Variants in MAMLD1 observed in about 807,000 individuals in gnomAD.
MAMLD1 encodes the protein mastermind-like domain-containing protein 1.
Under a neutral mutation model 45.0 loss-of-function variants are expected in MAMLD1, and 14 were observed. The ratio of observed to expected loss-of-function variants is 0.31; its 90% CI spans 0.21 to 0.49. The LOEUF is 0.49. MAMLD1 is among the 20% of genes least tolerant of loss of function. The probability of loss-of-function intolerance (pLI) is 0.99; values close to 1 mark genes in which losing one functional copy is unlikely to be tolerated. For synonymous variants in MAMLD1, 254 were observed against 247.8 expected, an observed-to-expected ratio of 1.02 and a Z score of -0.24; for missense variants, 543 against 603.6, an observed-to-expected ratio of 0.90 and a Z score of 1.05.
At chrX:150,496,599 C>T (rs144932378) in intron 5 of MAMLD1, among the ~76,000 whole-genome samples, 164 of 112,159 alleles carry the variant, frequency 1.5e-3, no homozygotes, top group African/African-American at 4.9e-3. Flanking sequence ...GTCAGGGCAA[C>T]GATTGCCACA....
chrX:150,412,319 C>T (rs1260501409), intron 1 of MAMLD1, among the ~76,000 whole-genome samples: 2 of 110,821 alleles, frequency 1.8e-5, no homozygotes, highest in Non-Finnish European at 1.9e-5. Flanking sequence ...TTGCATTGTA[C>T]CCCCACCCCT....
intron 1 of MAMLD1, among the ~76,000 whole-genome samples, chrX:150,398,311 GAAGAAGAAGAAGAA>G (rs2033560292): frequency 2.0e-5 from 2 of 99,529 alleles, no homozygotes; most frequent in Admixed American, 1.1e-4. Context: ...AGAAGAAGAA[GAAGAAGAAGAAGAA>G]GAAGAAGAAG....
intron 2 of MAMLD1, 33 bp from the exon 3 acceptor site, chrX:150,462,739 A>G: frequency 9.7e-7 from 1 of 1,035,574 alleles, no homozygotes; most frequent in Admixed American, 2.2e-5. Context: ...GAGTGTGTGC[A>G]AGTGGCTCTC....
Position 150,512,792 on chromosome X carries a change from C to A in MAMLD1, c.*833C>A. The A allele has an allele frequency of 8.7e-7, 1 of 1,155,867 alleles. No individual in the cohort carries two copies. The highest frequency in any genetic ancestry group is 1.1e-6 in the Non-Finnish European group (1 of 872,772). ...TGCTGCTTCTGCCGTTGCTGCCAGC[C>A]AGTTCCCAGGTCCGTTCGACAGAAC... On this transcript the variant is annotated 3_prime_UTR_variant, in exon 8 of 8. Transcript: ENST00000370401.
intron 2 of MAMLD1, among the ~76,000 whole-genome samples, chrX:150,448,130 G>C (rs1184159555): frequency 2.7e-5 from 3 of 111,991 alleles, no homozygotes; most frequent in African/African-American, 9.7e-5. Context: ...TAAGACTAGG[G>C]CTCAGAACAC....
chrX:150,443,644 A>G (rs1426487830), intron 1 of MAMLD1, among the ~76,000 whole-genome samples: 1 of 94,855 alleles, frequency 1.1e-5, no homozygotes, highest in Non-Finnish European at 2.0e-5. Flanking sequence ...TCTTACCATT[A>G]TCCTCTTGAT....
In MAMLD1 at chrX:150,373,297, G is replaced by C. The variant is rs782466890; in HGVS notation, c.-64+9767G>C. 1.2e-4 allele frequency among the ~76,000 whole-genome samples: 13 copies of C among 111,890 alleles called. No individual in the cohort carries two copies. In the South Asian group the frequency reaches 4.9e-3, roughly 42 times the overall value. On this transcript the variant is annotated intron_variant, in intron 1 of 7. Coordinates refer to ENST00000370401, the MANE Select transcript of MAMLD1 (RefSeq NM_005491.5). ...GGGAGGCCCGTTCCCCATTCTGGGT[G>C]CTTGAGAAGACTGCATTCTCAGGCC...
intron 2 of MAMLD1, among the ~76,000 whole-genome samples, chrX:150,452,093 A>G (rs782560978): frequency 8.9e-6 from 1 of 112,089 alleles, no homozygotes; most frequent in African/African-American, 3.2e-5. Context: ...GCTGCTGTTC[A>G]TCTTGGCCAG....
At chrX:150,508,754 A>T (rs2037812614) in intron 6 of MAMLD1, among the ~76,000 whole-genome samples, 2 of 112,352 alleles carry the variant, frequency 1.8e-5, no homozygotes, top group Admixed American at 1.9e-4. Flanking sequence ...CGTGTTGTAG[A>T]GGCAAGTCCT....
At chrX:150,437,232 G>A (rs781786460) in intron 1 of MAMLD1, among the ~76,000 whole-genome samples, 1 of 111,942 alleles carries the variant, frequency 8.9e-6, no homozygotes, top group South Asian at 3.8e-4. Flanking sequence ...GAACGGCAGG[G>A]TGCACTTTCT....
At chrX:150,379,186 T>A (rs1445126104) in intron 1 of MAMLD1, among the ~76,000 whole-genome samples, 1 of 111,830 alleles carries the variant, frequency 8.9e-6, no homozygotes, top group Non-Finnish European at 1.9e-5. Context: ...CAAATTCCAA[T>A]ACAACAGCAA....
intron 1 of MAMLD1, among the ~76,000 whole-genome samples, chrX:150,421,609 A>G (rs993844954): frequency 3.6e-5 from 4 of 112,487 alleles, no homozygotes; most frequent in Middle Eastern, 4.6e-3. Flanking sequence ...GACAGAGGCT[A>G]GACATGTATG....
chrX:150,498,655 T>A (rs1044585206), intron 5 of MAMLD1, among the ~76,000 whole-genome samples: 1 of 112,804 alleles, frequency 8.9e-6, no homozygotes, highest in Non-Finnish European at 1.9e-5. Context: ...GTGGCTACCA[T>A]ATTGAACAGC....
chrX:150,458,581 A>G (rs1268029199), intron 2 of MAMLD1, among the ~76,000 whole-genome samples: 2 of 112,051 alleles, frequency 1.8e-5, no homozygotes, highest in African/African-American at 3.2e-5. Flanking sequence ...ACACCTCACT[A>G]TAGGAAAGAA....
chrX:150,416,495 G>A (rs1214271417), intron 1 of MAMLD1, among the ~76,000 whole-genome samples: 1 of 111,981 alleles, frequency 8.9e-6, no homozygotes. Context: ...CAAAACACTC[G>A]TCTTGTCTAT....
At chrX:150,485,895 C>T (rs1377026418) in intron 5 of MAMLD1, among the ~76,000 whole-genome samples, 2 of 111,505 alleles carry the variant, frequency 1.8e-5, no homozygotes, top group African/African-American at 6.5e-5. Flanking sequence ...TCAGCAGGCC[C>T]CAAGCTTCAT....
intron 1 of MAMLD1, among the ~76,000 whole-genome samples, chrX:150,401,798 C>A (rs1210609194): frequency 9.9e-5 from 11 of 111,242 alleles, no homozygotes; most frequent in Non-Finnish European, 1.7e-4. Context: ...TTTGACAAAT[C>A]TGAGAAAAAC....
At chrX:150,382,122 T>G (rs1323064024) in intron 1 of MAMLD1, among the ~76,000 whole-genome samples, 3 of 111,397 alleles carry the variant, frequency 2.7e-5, no homozygotes, top group Non-Finnish European at 5.7e-5. Flanking sequence ...TGGTTACACA[T>G]TTAAGGCCAT....
intron 3 of MAMLD1, among the ~76,000 whole-genome samples, chrX:150,467,595 G>A (rs1557406035): frequency 8.9e-6 from 1 of 112,747 alleles, no homozygotes; most frequent in East Asian, 2.8e-4. Flanking sequence ...CAGATTGTGG[G>A]CATCTCAAAA....
Sources: allele counts gnomAD v4.1 joint callset (sites outside exome capture counted in the v4.1 genomes callset), GRCh38; gene constraint gnomAD v4.1.1; transcripts MANE v1.5; gene names NCBI Gene and HGNC (gene_info 2026-07-23, HGNC 2026-07-21).